The following RBX1 variants were observed in gnomAD, a reference collection of about 807,000 sequenced individuals.
RBX1 encodes the protein E3 ubiquitin-protein ligase RBX1.
For missense variants in RBX1, 46 were observed against 141.4 expected (o/e 0.33, Z 3.42); for synonymous variants, 48 against 47.9 (o/e 1.00, Z -0.01).
chr22:40,953,329 A>G (rs2146296281), intron 1 of RBX1, among the ~76,000 whole-genome samples: 1 of 152,330 alleles, frequency 6.6e-6, no homozygotes, highest in South Asian at 2.1e-4. Context: ...AAATTAAAAG[A>G]TGACATTAAT....
At chr22:40,963,850 A>G (rs2058347286) in intron 2 of RBX1, among the ~76,000 whole-genome samples, 197 bp from the exon 3 acceptor site, 1 of 152,186 alleles carries the variant, frequency 6.6e-6, no homozygotes, top group Admixed American at 6.6e-5. Flanking sequence ...TGCATTTCCC[A>G]TTTGTTACTC....
At chr22:40,960,155 A>G (rs1332743416) in intron 2 of RBX1, among the ~76,000 whole-genome samples, 1 of 152,070 alleles carries the variant, frequency 6.6e-6, no homozygotes, top group Non-Finnish European at 1.5e-5. Flanking sequence ...TATTTCTTCT[A>G]TTTATAGAAA....
At chr22:40,962,014 C>T (rs1189277744) in intron 2 of RBX1, among the ~76,000 whole-genome samples, 1 of 151,948 alleles carries the variant, frequency 6.6e-6, no homozygotes, top group African/African-American at 2.4e-5. Flanking sequence ...CGAACCCTGA[C>T]ATCAAGTGAT....
chr22:40,954,025 A>G (rs1569042066), intron 2 of RBX1, among the ~76,000 whole-genome samples: 2 of 152,174 alleles, frequency 1.3e-5, no homozygotes, highest in Admixed American at 6.6e-5. Flanking sequence ...TAATCCCAGC[A>G]CTTTGGGAGG....
chr22:40,964,156 CAT>C (rs1237990188), intron 3 of RBX1, 39 bp downstream of exon 3: 1 of 1,467,890 alleles, frequency 6.8e-7, no homozygotes, highest in Admixed American at 1.7e-5. Context: ...GGCTTGTAAA[CAT>C]ATTTCCACTT....
At chr22:40,963,146 T>A (rs1380746383) in intron 2 of RBX1, among the ~76,000 whole-genome samples, 2 of 151,996 alleles carry the variant, frequency 1.3e-5, no homozygotes, top group African/African-American at 4.8e-5. Flanking sequence ...AGCCATAGTT[T>A]TACTATTTTT....
chr22:40,964,252 A>AGGTAT, intron 3 of RBX1, 135 bp downstream of exon 3: 1 of 631,114 alleles, frequency 1.6e-6, no homozygotes, highest in South Asian at 2.0e-5. Context: ...AATAGTAAAA[A>AGGTAT]AGATTTTAAA....
chr22:40,967,763 A>G (rs377102007), intron 3 of RBX1, 36 bp from the exon 4 acceptor site: 7 of 1,567,844 alleles, frequency 4.5e-6, no homozygotes, highest in Non-Finnish European at 6.1e-6. Context: ...GAGCCTGCAT[A>G]GAGTTATTTT....
chr22:40,972,538 C>G lies in RBX1; in HGVS notation c.*50C>G, dbSNP rs761699239. ...AATTGTTTTGTTATTCATTTAATGA[C>G]TTTCCCTGCTGTTACCTAATTACAA... On this transcript the variant is annotated 3_prime_UTR_variant, in exon 5 of 5. Transcript: ENST00000216225. 2.0e-6 allele frequency: 3 copies of G among 1,471,004 alleles called. No individual in the cohort carries two copies. Among genetic ancestry groups the G allele is most frequent in the South Asian group, 1.1e-5 (1 of 87,888 alleles). The allele number at this position is 1,471,004 out of a possible 1,614,324, so 91.1% of individuals were successfully genotyped here.
chr22:40,971,210 C>A (rs1335871179), intron 4 of RBX1, among the ~76,000 whole-genome samples: 2 of 152,164 alleles, frequency 1.3e-5, no homozygotes, highest in African/African-American at 2.4e-5. Flanking sequence ...TTGACTCTGC[C>A]ACTCTAACTG....
chr22:40,961,410 ATTATTT>A (rs1003976973), intron 2 of RBX1, among the ~76,000 whole-genome samples: 13 of 150,328 alleles, frequency 8.6e-5, no homozygotes, highest in African/African-American at 2.7e-4. Context: ...ATTTTATTTT[ATTATTT>A]TTATTTTTAT....
At chr22:40,954,334 G>A (rs558368127) in intron 2 of RBX1, among the ~76,000 whole-genome samples, 4 of 151,704 alleles carry the variant, frequency 2.6e-5, no homozygotes, top group East Asian at 3.9e-4. Context: ...GGAAAGAAGC[G>A]TTAAGGAGTG....
intron 2 of RBX1, among the ~76,000 whole-genome samples, chr22:40,956,718 G>C (rs759572002): frequency 6.0e-5 from 9 of 149,856 alleles, no homozygotes; most frequent in African/African-American, 2.0e-4. Flanking sequence ...CACCATGTCC[G>C]ACCTCAAGTC....
At chr22:40,953,384 G>A (rs1046088299) in intron 1 of RBX1, among the ~76,000 whole-genome samples, 171 bp from the exon 2 acceptor site, 23 of 152,310 alleles carry the variant, frequency 1.5e-4, no homozygotes, top group African/African-American at 5.5e-4. Context: ...GAACATACGT[G>A]TAGTCTACTG....
At chr22:40,958,384 A>G (rs2058331256) in intron 2 of RBX1, among the ~76,000 whole-genome samples, 1 of 152,164 alleles carries the variant, frequency 6.6e-6, no homozygotes, top group South Asian at 2.1e-4. Flanking sequence ...TTTTATAAAG[A>G]CAATTTTTGT....
At chr22:40,969,756 G>T (rs1392784649) in intron 4 of RBX1, among the ~76,000 whole-genome samples, 2 of 151,908 alleles carry the variant, frequency 1.3e-5, no homozygotes, top group Admixed American at 6.6e-5. Flanking sequence ...GGCGGTAGTG[G>T]TGCATGCCTG....
intron 1 of RBX1, among the ~76,000 whole-genome samples, chr22:40,952,009 G>A (rs2058312416): frequency 6.6e-6 from 1 of 151,620 alleles, no homozygotes. Flanking sequence ...TCGCTGAACC[G>A]AGGCCTCACA....
chr22:40,958,403 AAAGT>A (rs952586560), intron 2 of RBX1, among the ~76,000 whole-genome samples: 3 of 152,206 alleles, frequency 2.0e-5, no homozygotes, highest in Non-Finnish European at 4.4e-5. Context: ...GTTAAAGATG[AAAGT>A]AAGAATCTAG....
intron 2 of RBX1, among the ~76,000 whole-genome samples, chr22:40,959,309 G>C (rs2058333703): frequency 6.6e-6 from 1 of 152,216 alleles, no homozygotes; most frequent in African/African-American, 2.4e-5. Flanking sequence ...GTTCTGGGTT[G>C]ACAGTGAACA....
Sources: gnomAD v4.1 joint callset for allele counts (sites outside exome capture counted in the v4.1 genomes callset) on GRCh38, gnomAD v4.1.1 for gene constraint, MANE v1.5 for transcripts, NCBI Gene and HGNC (gene_info 2026-07-23, HGNC 2026-07-21) for gene names.